The following PLOD2 variants were observed in gnomAD, a reference collection of about 807,000 sequenced individuals.
The protein encoded by PLOD2 is lysine hydroxylase 2.
Under a neutral mutation model 101.0 loss-of-function variants are expected in PLOD2, and 65 were observed. The ratio of observed to expected loss-of-function variants is 0.64; its 90% CI spans 0.53 to 0.79. The LOEUF (loss-of-function observed/expected upper bound fraction) is 0.79. Ranked by LOEUF, PLOD2 falls within the 30% of genes least tolerant of loss-of-function variation. The pLI is 0.00. For synonymous variants in PLOD2, 314 were observed against 302.9 expected (o/e 1.04, Z -0.38); for missense variants, 909 against 914.6 (o/e 0.99, Z 0.08).
At chr3:146,079,280 C>T (rs776743485) in intron 12 of PLOD2, 23 bp from the exon 13 acceptor site, 1 of 1,566,130 alleles carries the variant, frequency 6.4e-7, no homozygotes. Flanking sequence ...AGAAGACATT[C>T]TTATATACCA....
intron 1 of PLOD2, among the ~76,000 whole-genome samples, chr3:146,127,520 CTG>C (rs1230747846): frequency 6.6e-5 from 10 of 151,952 alleles, no homozygotes; most frequent in Admixed American, 2.0e-4. Flanking sequence ...TTTTTAATAG[CTG>C]TGTCATATCC....
intron 1 of PLOD2, among the ~76,000 whole-genome samples, chr3:146,135,456 T>G (rs1449777866): frequency 6.6e-6 from 1 of 152,174 alleles, no homozygotes; most frequent in Non-Finnish European, 1.5e-5. Flanking sequence ...CTCATCTTTA[T>G]GTAAGGAGGT....
chr3:146,148,057 C>T (rs907096693), intron 1 of PLOD2, among the ~76,000 whole-genome samples: 7 of 151,646 alleles, frequency 4.6e-5, no homozygotes, highest in Non-Finnish European at 7.4e-5. Context: ...CTAGATTTGA[C>T]CCTGAAGCTA....
chr3:146,102,410 C>T (rs1241144115), intron 7 of PLOD2, among the ~76,000 whole-genome samples: 2 of 152,086 alleles, frequency 1.3e-5, no homozygotes, highest in African/African-American at 4.8e-5. Context: ...AACGGCAAGT[C>T]AGGTGAAACA....
intron 2 of PLOD2, among the ~76,000 whole-genome samples, chr3:146,123,083 T>C (rs930221412): frequency 3.3e-5 from 5 of 152,162 alleles, no homozygotes; most frequent in African/African-American, 1.2e-4. Context: ...TTTAGCTGTT[T>C]ATTAGCTGTT....
intron 8 of PLOD2, among the ~76,000 whole-genome samples, chr3:146,090,495 A>G (rs2108027289): frequency 6.6e-6 from 1 of 151,752 alleles, no homozygotes; most frequent in African/African-American, 2.4e-5. Flanking sequence ...AACAGATAAA[A>G]AGTATTAACT....
intron 1 of PLOD2, among the ~76,000 whole-genome samples, chr3:146,141,499 C>A (rs1034227604): frequency 3.3e-5 from 5 of 152,084 alleles, no homozygotes; most frequent in Admixed American, 1.3e-4. Context: ...TGACTCCACA[C>A]CACATTTGAG....
At chr3:146,158,252 C>T (rs1010761089) in intron 1 of PLOD2, among the ~76,000 whole-genome samples, 5 of 152,088 alleles carry the variant, frequency 3.3e-5, no homozygotes, top group African/African-American at 1.2e-4. Flanking sequence ...TCTGAAAGCT[C>T]CCATAAGGAT....
intron 1 of PLOD2, among the ~76,000 whole-genome samples, chr3:146,151,204 TCAAGAGACATTG>T (rs2108141005): frequency 6.6e-6 from 1 of 152,246 alleles, no homozygotes; most frequent in South Asian, 2.1e-4. Context: ...CACTTAAAAG[TCAAGAGACATTG>T]GCCAAGCACG....
chr3:146,091,664 G>T, intron 8 of PLOD2, 136 bp downstream of exon 8: 1 of 642,528 alleles, frequency 1.6e-6, no homozygotes, highest in Non-Finnish European at 2.8e-6. Flanking sequence ...GAATCATCAT[G>T]TTTTAACACT....
intron 4 of PLOD2, among the ~76,000 whole-genome samples, chr3:146,107,321 AAT>A (rs1389753495): frequency 6.6e-6 from 1 of 152,198 alleles, no homozygotes; most frequent in Non-Finnish European, 1.5e-5. Context: ...TAAGACCGCC[AAT>A]AACATTTGTC....
At position 146,145,320 on chromosome 3, in the gene PLOD2, C is replaced by T. The variant is rs116541932; in HGVS notation, c.109+15561G>A. On this transcript the variant is annotated intron_variant, in intron 1 of 19. Coordinates refer to ENST00000282903, the MANE Select transcript of PLOD2 (RefSeq NM_182943.3). ...CTAGATAGGCATGTATTAATCTAAT[C>T]CAGCCATTCCCAATCTAGTTTTGTC... Among the ~76,000 whole-genome samples, 1,085 of 152,244 alleles carry T rather than the reference C, an allele frequency of 7.1e-3. 9 individuals carry two copies. The highest frequency in any genetic ancestry group is 9.8e-3 in the Non-Finnish European group (663 of 67,994).
chr3:146,085,123 AAAT>A (rs752924081), intron 11 of PLOD2, 43 bp downstream of exon 11: 5 of 911,826 alleles, frequency 5.5e-6, no homozygotes, highest in South Asian at 4.1e-5. Context: ...TCAATATGAA[AAAT>A]AATCATTTTA....
chr3:146,138,583 T>G (rs1258029522), intron 1 of PLOD2, among the ~76,000 whole-genome samples: 1 of 152,040 alleles, frequency 6.6e-6, no homozygotes, highest in Non-Finnish European at 1.5e-5. Flanking sequence ...CCTCATACAT[T>G]GGCAGTGGAA....
intron 3 of PLOD2, among the ~76,000 whole-genome samples, chr3:146,117,890 G>A (rs1477774625): frequency 6.6e-6 from 1 of 151,816 alleles, no homozygotes; most frequent in Non-Finnish European, 1.5e-5. Context: ...AAAAAAATAG[G>A]TCCCTCACTA....
At chr3:146,148,008 T>A (rs1170393) in intron 1 of PLOD2, among the ~76,000 whole-genome samples, 1 of 152,092 alleles carries the variant, frequency 6.6e-6, no homozygotes, top group South Asian at 2.1e-4. Context: ...TCCTGAAACA[T>A]AGAACTTAAT....
chr3:146,070,901 C>A, intron 19 of PLOD2, 29 bp from the exon 20 acceptor site: 1 of 1,578,354 alleles, frequency 6.3e-7, no homozygotes, highest in Non-Finnish European at 8.7e-7. Context: ...AGAAATACAT[C>A]AGATTATATT....
chr3:146,106,968 A>G (rs1233501335), intron 4 of PLOD2, among the ~76,000 whole-genome samples: 1 of 152,228 alleles, frequency 6.6e-6, no homozygotes, highest in Non-Finnish European at 1.5e-5. Flanking sequence ...TTTACTAGGA[A>G]AAGAATAGAC....
intron 8 of PLOD2, 67 bp from the exon 9 acceptor site, chr3:146,088,778 AATGTTAATCAGC>A: frequency 7.9e-7 from 1 of 1,265,056 alleles, no homozygotes; most frequent in Non-Finnish European, 1.1e-6. Context: ...ATTTTATTCA[AATGTTAATCAGC>A]ATGACATAAA....
Sources: allele counts gnomAD v4.1 joint callset (sites outside exome capture counted in the v4.1 genomes callset), GRCh38; gene constraint gnomAD v4.1.1; transcripts MANE v1.5; gene names NCBI Gene and HGNC (gene_info 2026-07-23, HGNC 2026-07-21).